The following GRM3 variants were observed in gnomAD, a reference collection of about 807,000 sequenced individuals.
The protein encoded by GRM3 is glutamate metabotropic receptor 3, also known as metabotropic glutamate receptor 3.
In GRM3, 26 loss-of-function variants were observed where a neutral mutation model predicts 70.5. That is an observed-to-expected ratio of 0.37 (90% CI 0.27 to 0.51). GRM3 has a LOEUF of 0.51. Among genes scored for constraint, GRM3 ranks in the 20% least tolerant of loss-of-function variants. The probability of loss-of-function intolerance (pLI) is 0.93; values close to 1 mark genes in which losing one functional copy is unlikely to be tolerated. For missense variants in GRM3, 859 were observed against 1,123.8 expected, an observed-to-expected ratio of 0.76 and a Z score of 3.37; for synonymous variants, 443 against 434.9, an observed-to-expected ratio of 1.02 and a Z score of -0.23.
rs933532822 is a variant in GRM3 at position 86,808,206 on chromosome 7, C to CT, written c.1324+21098dup. Among the ~76,000 whole-genome samples the CT allele has an allele frequency of 6.0e-4, 91 of 151,826 alleles. 1 individual carries two copies. The highest frequency in any genetic ancestry group is 2.0e-3 in the African/African-American group (83 of 41,414). ...ATCAGGGATATTGGTCTAAAATTCT[C>CT]TTTTTTTTGCTGTGTCTCTGCCAGG... On this transcript the variant is annotated intron_variant, in intron 3 of 5. Transcript: ENST00000361669.
At position 86,765,391 on chromosome 7, in the gene GRM3, T is replaced by C; in HGVS notation, c.246T>C (p.Asp82=). The part of the protein sequence containing the change: ...MLFAIDEINK[D]DYLLPGVKLG... ...TTGCTATTGATGAAATCAACAAAGA[T>C]GATTACTTGCTACCAGGAGTGAAGT... Residue 82 remains aspartate, a synonymous_variant, in exon 2 of 6, where the codon GAT becomes GAC. Transcript: ENST00000361669. 6.2e-7 allele frequency: 1 copy of C among 1,613,958 alleles called. No individual in the cohort carries two copies. Among genetic ancestry groups the C allele is most frequent in the Non-Finnish European group, 8.5e-7 (1 of 1,179,890 alleles).
intron 1 of GRM3, among the ~76,000 whole-genome samples, chr7:86,656,635 T>C (rs983995780): frequency 6.6e-6 from 1 of 152,026 alleles, no homozygotes; most frequent in Non-Finnish European, 1.5e-5. Context: ...ACAGGACATA[T>C]GAAATGTAAT....
At chr7:86,841,686 G>A (rs1201894364) in intron 4 of GRM3, among the ~76,000 whole-genome samples, 4 of 152,132 alleles carry the variant, frequency 2.6e-5, no homozygotes, top group Non-Finnish European at 5.9e-5. Flanking sequence ...TTAAAAAAAT[G>A]ACAGAGCAGA....
intron 1 of GRM3, among the ~76,000 whole-genome samples, chr7:86,712,417 C>T (rs1005942872): frequency 6.6e-6 from 1 of 151,918 alleles, no homozygotes. Flanking sequence ...TTAATTCATT[C>T]AAATAATGTA....
At chr7:86,728,652 A>G (rs1278876848) in intron 1 of GRM3, among the ~76,000 whole-genome samples, 1 of 151,998 alleles carries the variant, frequency 6.6e-6, no homozygotes, top group Non-Finnish European at 1.5e-5. Flanking sequence ...TGTTTGTCCT[A>G]CCACTTTGGA....
At chr7:86,700,058 C>T (rs1003933200) in intron 1 of GRM3, among the ~76,000 whole-genome samples, 4 of 151,908 alleles carry the variant, frequency 2.6e-5, no homozygotes, top group African/African-American at 9.7e-5. Flanking sequence ...GGTAATATTC[C>T]TCAGATATTT....
At chr7:86,679,695 C>G (rs981472213) in intron 1 of GRM3, among the ~76,000 whole-genome samples, 2 of 152,014 alleles carry the variant, frequency 1.3e-5, no homozygotes. Flanking sequence ...TCTCACTCAT[C>G]CCCTTGATCA....
chr7:86,849,318 A>G (rs1798714426), intron 4 of GRM3, among the ~76,000 whole-genome samples: 1 of 152,196 alleles, frequency 6.6e-6, no homozygotes, highest in African/African-American at 2.4e-5. Flanking sequence ...GGTGGAGAGC[A>G]CTGGACTAGT....
chr7:86,658,515 C>A (rs1793806689), intron 1 of GRM3, among the ~76,000 whole-genome samples: 1 of 152,118 alleles, frequency 6.6e-6, no homozygotes, highest in African/African-American at 2.4e-5. Flanking sequence ...GTTCTTCTTG[C>A]TATGTACTCC....
At chr7:86,856,288 A>T (rs1255207042) in intron 5 of GRM3, among the ~76,000 whole-genome samples, 1 of 152,070 alleles carries the variant, frequency 6.6e-6, no homozygotes, top group Non-Finnish European at 1.5e-5. Flanking sequence ...TACTAAAAAA[A>T]TACAAAAATT....
chr7:86,667,757 G>A (rs1476301480), intron 1 of GRM3, among the ~76,000 whole-genome samples: 1 of 152,034 alleles, frequency 6.6e-6, no homozygotes, highest in Non-Finnish European at 1.5e-5. Context: ...GAAACATTTC[G>A]GCCCTTCTAA....
intron 1 of GRM3, among the ~76,000 whole-genome samples, chr7:86,669,799 G>T (rs1290333449): frequency 6.6e-6 from 1 of 152,032 alleles, no homozygotes; most frequent in African/African-American, 2.4e-5. Context: ...TTACCTTTAT[G>T]ATTAAGCTTA....
intron 3 of GRM3, among the ~76,000 whole-genome samples, chr7:86,810,823 T>C (rs1368054227): frequency 6.6e-6 from 1 of 152,002 alleles, no homozygotes; most frequent in Non-Finnish European, 1.5e-5. Flanking sequence ...TGAAAATTTG[T>C]GTTTAAAACA....
intron 3 of GRM3, among the ~76,000 whole-genome samples, chr7:86,804,466 A>G (rs1353747143): frequency 6.6e-6 from 1 of 152,134 alleles, no homozygotes; most frequent in Admixed American, 6.5e-5. Context: ...CTGGAGTACA[A>G]TGGCGCAATC....
chr7:86,839,679 A>G lies in GRM3; in HGVS notation c.2165A>G (p.Lys722Arg), dbSNP rs769950227. 2.5e-6 allele frequency: 4 copies of G among 1,613,852 alleles called. No homozygotes were observed. The African/African-American group carries it at 5.3e-5, about 22-fold the overall frequency. Reference sequence around the variant, plus strand: ...ACCAGGAGGTATACCCTTGCAGAGAAGCGGGAAACAGTCATCCTAAAATGC... The same window carrying G: ...ACCAGGAGGTATACCCTTGCAGAGAGGCGGGAAACAGTCATCCTAAAATGC... The part of the protein sequence containing the change: ...PGTRRYTLAE[K>R]RETVILKCNV... The change falls in exon 4 of 6, where the codon AAG becomes AGG. Residue 722 changes from lysine (K) to arginine (R), a missense_variant. Transcript: ENST00000361669. The surrounding 1 kb of genome is among the most constrained non-coding windows in gnomAD (Gnocchi z 4.5).
intron 5 of GRM3, among the ~76,000 whole-genome samples, chr7:86,860,552 G>A (rs1222686905): frequency 6.6e-6 from 1 of 152,060 alleles, no homozygotes; most frequent in Admixed American, 6.6e-5. Flanking sequence ...CAGTCTTGTG[G>A]GTATTTTTTG....
rs909031643 is a variant in GRM3 at position 86,864,628 on chromosome 7, T to G, written c.*273T>G. 2.5e-4 allele frequency: 40 copies of G among 160,184 alleles called. No homozygotes were observed. The highest frequency in any genetic ancestry group is 1.5e-3 in the African/African-American group (38 of 24,960). The allele number at this position is 160,184 out of a possible 1,614,324, so 9.9% of individuals were successfully genotyped here. On this transcript the variant is annotated 3_prime_UTR_variant, in exon 6 of 6. Coordinates refer to ENST00000361669, the MANE Select transcript of GRM3 (RefSeq NM_000840.3). ...GTGACAGGGTCTGACATGGTCAGTCTACTAAAAAACAAAAAAAAAAAACAA... is the reference window on the plus strand; with the variant it reads ...GTGACAGGGTCTGACATGGTCAGTCGACTAAAAAACAAAAAAAAAAAACAA...
At chr7:86,693,985 G>T (rs1794753447) in intron 1 of GRM3, among the ~76,000 whole-genome samples, 1 of 152,194 alleles carries the variant, frequency 6.6e-6, no homozygotes, top group African/African-American at 2.4e-5. Flanking sequence ...AGGCAACTAT[G>T]TATTAAGTTC....
intron 1 of GRM3, among the ~76,000 whole-genome samples, chr7:86,681,437 A>G (rs1310166622): frequency 6.6e-6 from 1 of 152,190 alleles, no homozygotes; most frequent in Non-Finnish European, 1.5e-5. Flanking sequence ...TGTCACATTA[A>G]TGAAATTAAA....
Sources: allele counts gnomAD v4.1 joint callset (sites outside exome capture counted in the v4.1 genomes callset), GRCh38; gene constraint gnomAD v4.1.1; non-coding constraint Gnocchi (gnomAD v3.1); transcripts MANE v1.5; gene names NCBI Gene and HGNC (gene_info 2026-07-23, HGNC 2026-07-21).